EBF1: variants seen among roughly 807,000 people sequenced by gnomAD.
The protein encoded by EBF1 is EBF transcription factor 1, also known as transcription factor COE1.
Under a neutral mutation model 68.4 loss-of-function variants are expected in EBF1, and 10 were observed. That is an observed-to-expected ratio of 0.15 (90% CI 0.09 to 0.25). The LOEUF is 0.25. Among genes scored for constraint, EBF1 ranks in the 10% least tolerant of loss-of-function variants. EBF1 has a pLI of 1.00. For synonymous variants in EBF1, 298 were observed against 299.8 expected (o/e 0.99, Z 0.06); for missense variants, 509 against 794.4 (o/e 0.64, Z 4.32).
At chr5:158,710,759 C>T (rs1759045145) in intron 14 of EBF1, among the ~76,000 whole-genome samples, 1 of 152,230 alleles carries the variant, frequency 6.6e-6, no homozygotes, top group East Asian at 1.9e-4. Context: ...ACAATCCATA[C>T]TTTCACTATG....
chr5:158,898,848 G>A (rs1802697051), intron 6 of EBF1, among the ~76,000 whole-genome samples: 1 of 152,218 alleles, frequency 6.6e-6, no homozygotes, highest in Non-Finnish European at 1.5e-5. Context: ...ACTGCCTGAG[G>A]TGGTGGTCCT....
chr5:159,090,768 T>C (rs554379935), intron 4 of EBF1, among the ~76,000 whole-genome samples: 14 of 152,014 alleles, frequency 9.2e-5, no homozygotes, highest in Admixed American at 7.2e-4. Context: ...CATTTACACC[T>C]ACATTAGTAA....
In EBF1 at chr5:159,096,330, A is replaced by C; in HGVS notation, c.355+13T>G. ...GCCCCAGGGTGAGGCCATAGACCCG[A>C]CCCGGGCCTCACCATTGCTGTAGAG... On this transcript the variant is annotated intron_variant, in intron 3 of 15. Coordinates refer to ENST00000313708, the MANE Select transcript of EBF1 (RefSeq NM_024007.5). 1 of 1,612,174 alleles carries C rather than the reference A, an allele frequency of 6.2e-7. No individual in the cohort carries two copies. The highest frequency in any genetic ancestry group is 8.5e-7 in the Non-Finnish European group (1 of 1,179,296).
At chr5:158,955,865 G>A (rs897646193) in intron 6 of EBF1, among the ~76,000 whole-genome samples, 10 of 152,162 alleles carry the variant, frequency 6.6e-5, no homozygotes, top group African/African-American at 2.4e-4. Flanking sequence ...CAGCTGAAAG[G>A]AAGAGTAGCA....
chr5:158,699,679 C>G (rs1233761659), intron 15 of EBF1, among the ~76,000 whole-genome samples: 1 of 152,214 alleles, frequency 6.6e-6, no homozygotes, highest in Admixed American at 6.5e-5. Flanking sequence ...GAAATGCCAG[C>G]TACAGCAGGC....
At chr5:159,050,910 AT>A (rs1289548963) in intron 6 of EBF1, among the ~76,000 whole-genome samples, 3 of 152,090 alleles carry the variant, frequency 2.0e-5, no homozygotes, top group African/African-American at 7.2e-5. Context: ...TTGACACATA[AT>A]TGGTAGCCAA....
chr5:158,728,045 A>G (rs1763344782), intron 11 of EBF1, among the ~76,000 whole-genome samples: 2 of 152,330 alleles, frequency 1.3e-5, no homozygotes, highest in East Asian at 3.9e-4. Flanking sequence ...AACACTGACC[A>G]TGATCCTAAG....
intron 6 of EBF1, among the ~76,000 whole-genome samples, chr5:158,881,740 G>A (rs183595044): frequency 8.8e-4 from 134 of 152,316 alleles, no homozygotes; most frequent in Admixed American, 3.1e-3. Flanking sequence ...GAGCCTGGGG[G>A]ATGTTTGCTT....
At chr5:159,060,875 T>C (rs1054829331) in intron 6 of EBF1, among the ~76,000 whole-genome samples, 3 of 151,722 alleles carry the variant, frequency 2.0e-5, no homozygotes, top group Admixed American at 2.0e-4. Context: ...AGATAAAAGA[T>C]TATGTTGAAA....
At chr5:158,827,942 C>T (rs761614520) in intron 7 of EBF1, among the ~76,000 whole-genome samples, 4 of 152,110 alleles carry the variant, frequency 2.6e-5, no homozygotes, top group South Asian at 2.1e-4. Flanking sequence ...CTCTTCCTCA[C>T]GTTAATTTTG....
At chr5:158,981,129 G>C (rs570317210) in intron 6 of EBF1, among the ~76,000 whole-genome samples, 1 of 151,880 alleles carries the variant, frequency 6.6e-6, no homozygotes, top group African/African-American at 2.4e-5. Flanking sequence ...GCCATATTCA[G>C]CAAGGGTAGC....
intron 6 of EBF1, among the ~76,000 whole-genome samples, chr5:159,046,432 T>C (rs1772410386): frequency 6.6e-6 from 1 of 152,208 alleles, no homozygotes; most frequent in African/African-American, 2.4e-5. Context: ...TAAAACATTC[T>C]ACTGTAACAT....
At chr5:158,772,550 T>A (rs1382466801) in intron 10 of EBF1, among the ~76,000 whole-genome samples, 1 of 152,180 alleles carries the variant, frequency 6.6e-6, no homozygotes, top group Non-Finnish European at 1.5e-5. Context: ...CCTGCAAAAA[T>A]ATTTGTTTTA....
Position 159,099,727 on chromosome 5 carries a change from G to T in EBF1, c.-249C>A. ...GAAGAAAGGGAAAATCCAACGAAAA[G>T]ACCAAAATAATAAAATTAGAGATGT... On this transcript the variant is annotated 5_prime_UTR_variant, in exon 1 of 16. Transcript: ENST00000313708. 3 of 242,326 alleles carry T rather than the reference G, an allele frequency of 1.2e-5. No individual in the cohort carries two copies. The highest frequency in any genetic ancestry group is 2.2e-5 in the Non-Finnish European group (3 of 136,206). 15.0% of individuals were successfully genotyped at this position (242,326 alleles called of 1,614,324 possible). A position where few individuals can be genotyped will look rare whatever the true frequency, so the allele number is the denominator to read the frequency against.
chr5:158,739,608 T>C (rs1765880226), intron 10 of EBF1, among the ~76,000 whole-genome samples: 1 of 152,186 alleles, frequency 6.6e-6, no homozygotes, highest in African/African-American at 2.4e-5. Context: ...GAAGAATAAT[T>C]TCCACTTTGT....
chr5:158,865,275 G>C (rs753134800), intron 6 of EBF1, among the ~76,000 whole-genome samples: 4 of 152,128 alleles, frequency 2.6e-5, no homozygotes, highest in Non-Finnish European at 4.4e-5. Flanking sequence ...CAAAATGTTA[G>C]AGGCAGCACA....
intron 5 of EBF1, among the ~76,000 whole-genome samples, chr5:159,075,005 C>T (rs1778485923): frequency 6.6e-6 from 1 of 152,152 alleles, no homozygotes; most frequent in East Asian, 1.9e-4. Context: ...CTCCTTCATC[C>T]CTGAACTCTG....
At chr5:159,061,523 G>A (rs1775819799) in intron 6 of EBF1, among the ~76,000 whole-genome samples, 2 of 152,156 alleles carry the variant, frequency 1.3e-5, no homozygotes, top group African/African-American at 4.8e-5. Context: ...CATTTTGAGT[G>A]GAGAAGAGGG....
At chr5:158,710,303 A>G (rs993209200) in intron 14 of EBF1, among the ~76,000 whole-genome samples, 7 of 152,234 alleles carry the variant, frequency 4.6e-5, no homozygotes, top group African/African-American at 1.4e-4. Context: ...TCTCAGGCTG[A>G]AGCGGCTGAG....
Sources: allele counts gnomAD v4.1 joint callset (sites outside exome capture counted in the v4.1 genomes callset), GRCh38; gene constraint gnomAD v4.1.1; transcripts MANE v1.5; gene names NCBI Gene and HGNC (gene_info 2026-07-23, HGNC 2026-07-21).